QTMAN: variants seen among roughly 807,000 people sequenced by gnomAD.
QTMAN encodes the protein tRNA-queuosine alpha-mannosyltransferase.
chr2:144,304,964 AATTGT>A, the QTMAN span, among the ~76,000 whole-genome samples: 1 of 152,204 alleles, frequency 6.6e-6, no homozygotes. Flanking sequence ...TTGATTATTG[AATTGT>A]AACAGTTCTT....
the QTMAN span, among the ~76,000 whole-genome samples, chr2:143,999,759 TG>T: frequency 1.3e-5 from 2 of 152,120 alleles, no homozygotes; most frequent in Non-Finnish European, 2.9e-5. Flanking sequence ...CCTGAGCAGT[TG>T]AAGATGACTG....
At chr2:144,096,651 ATATC>A in the QTMAN span, among the ~76,000 whole-genome samples, 1 of 152,234 alleles carries the variant, frequency 6.6e-6, no homozygotes, top group Non-Finnish European at 1.5e-5. Flanking sequence ...CGCTTGAAGC[ATATC>A]TATCTGATTA....
At chr2:143,986,199 T>C in the QTMAN span, among the ~76,000 whole-genome samples, 3 of 152,208 alleles carry the variant, frequency 2.0e-5, no homozygotes, top group African/African-American at 7.2e-5. Flanking sequence ...GTCCATTTAA[T>C]TGGAATTATT....
the QTMAN span, among the ~76,000 whole-genome samples, chr2:144,269,935 TAA>T: frequency 1.3e-4 from 20 of 152,278 alleles, no homozygotes; most frequent in East Asian, 3.7e-3. Flanking sequence ...ATTATAATAC[TAA>T]GAGAGCTTCA....
chr2:144,306,029 CTTTA>C, the QTMAN span, among the ~76,000 whole-genome samples: 1 of 152,120 alleles, frequency 6.6e-6, no homozygotes, highest in East Asian at 1.9e-4. Flanking sequence ...ATCTGGATGC[CTTTA>C]TTTCTTTTTC....
chr2:144,164,072 G>A, the QTMAN span, among the ~76,000 whole-genome samples: 1 of 152,008 alleles, frequency 6.6e-6, no homozygotes, highest in South Asian at 2.1e-4. Context: ...ACAGGTGTGC[G>A]CCACTATGCC....
At chr2:144,085,729 T>G in the QTMAN span, among the ~76,000 whole-genome samples, 5 of 152,164 alleles carry the variant, frequency 3.3e-5, no homozygotes, top group African/African-American at 9.7e-5. Flanking sequence ...TCTTATTCAG[T>G]GAGGCTTTGA....
the QTMAN span, among the ~76,000 whole-genome samples, chr2:143,981,473 G>A: frequency 6.6e-6 from 1 of 152,144 alleles, no homozygotes; most frequent in Non-Finnish European, 1.5e-5. Context: ...AAATGACAAG[G>A]TCTTCAATCA....
At chr2:144,076,341 T>C in the QTMAN span, among the ~76,000 whole-genome samples, 1 of 152,180 alleles carries the variant, frequency 6.6e-6, no homozygotes, top group East Asian at 1.9e-4. Context: ...GGCTGTGCCT[T>C]CTTGAGATAG....
chr2:143,947,264 A>C, the QTMAN span: 1 of 671,862 alleles, frequency 1.5e-6, no homozygotes, highest in Admixed American at 2.3e-5. Context: ...AAAGCCACCA[A>C]GTAAATGGTT....
chr2:143,968,885 TCTTA>T, the QTMAN span, among the ~76,000 whole-genome samples: 1 of 152,160 alleles, frequency 6.6e-6, no homozygotes, highest in South Asian at 2.1e-4. Flanking sequence ...TACCAGAGGG[TCTTA>T]CTGTGATTCT....
the QTMAN span, among the ~76,000 whole-genome samples, chr2:144,311,131 T>C: frequency 6.6e-6 from 1 of 152,230 alleles, no homozygotes; most frequent in African/African-American, 2.4e-5. Context: ...AGATAAGGTG[T>C]GTATTTAAGA....
chr2:144,200,855 T>C, the QTMAN span, among the ~76,000 whole-genome samples: 1 of 152,196 alleles, frequency 6.6e-6, no homozygotes, highest in African/African-American at 2.4e-5. Context: ...GTTTCTGTGT[T>C]TCTATGTAGA....
the QTMAN span, among the ~76,000 whole-genome samples, chr2:144,131,612 C>T: frequency 2.0e-5 from 3 of 152,018 alleles, no homozygotes; most frequent in African/African-American, 4.8e-5. Context: ...CCTCACACAA[C>T]TAAGTCAAAG....
chr2:143,986,189 G>A, the QTMAN span, among the ~76,000 whole-genome samples: 3 of 152,164 alleles, frequency 2.0e-5, no homozygotes, highest in South Asian at 6.2e-4. Context: ...TAGCTCAAGG[G>A]TCCATTTAAT....
the QTMAN span, among the ~76,000 whole-genome samples, chr2:144,300,126 A>G: frequency 2.0e-5 from 3 of 152,212 alleles, no homozygotes; most frequent in Admixed American, 6.5e-5. Flanking sequence ...GTGAGTACCC[A>G]CTGCCTAATG....
At chr2:144,182,812 T>TAC in the QTMAN span, among the ~76,000 whole-genome samples, 1 of 61,700 alleles carries the variant, frequency 1.6e-5, no homozygotes. Context: ...ATATATAATA[T>TAC]ATATATTATA....
At chr2:144,175,928 G>C in the QTMAN span, among the ~76,000 whole-genome samples, 1 of 152,154 alleles carries the variant, frequency 6.6e-6, no homozygotes, top group Non-Finnish European at 1.5e-5. Context: ...AGCTCTGAAA[G>C]TGCTGAGATT....
At chr2:144,228,692 C>T in the QTMAN span, among the ~76,000 whole-genome samples, 7 of 152,168 alleles carry the variant, frequency 4.6e-5, no homozygotes, top group Admixed American at 4.6e-4. Flanking sequence ...GGCGCAGTGG[C>T]TCATGCCTGC....
Sources: allele counts gnomAD v4.1 joint callset (sites outside exome capture counted in the v4.1 genomes callset), GRCh38; gene constraint gnomAD v4.1.1; transcripts MANE v1.5; gene names NCBI Gene and HGNC (gene_info 2026-07-23, HGNC 2026-07-21).